The following ARFGEF1 variants were observed in gnomAD, a reference collection of about 807,000 sequenced individuals.
ARFGEF1 encodes the protein brefeldin A-inhibited guanine nucleotide-exchange protein 1.
ARFGEF1 carries 42 observed loss-of-function variants against 231.0 expected under a neutral mutation model. The observed-to-expected ratio is 0.18, with a 90% CI of 0.14 to 0.24. The LOEUF is 0.24. Ranked by LOEUF, ARFGEF1 falls within the 10% of genes least tolerant of loss-of-function variation. The probability of loss-of-function intolerance (pLI) is 1.00; values close to 1 mark genes in which losing one functional copy is unlikely to be tolerated. For synonymous variants in ARFGEF1, 710 were observed against 732.3 expected (o/e 0.97, Z 0.49); for missense variants, 1,345 against 2,192.0 (o/e 0.61, Z 7.72).
chr8:67,186,473 C>A, intron 5 of ARFGEF1, among the ~76,000 whole-genome samples: 1 of 150,758 alleles, frequency 6.6e-6, no homozygotes, highest in Non-Finnish European at 1.5e-5. Context: ...GCCCACAAAT[C>A]TGATAACCTA....
intron 1 of ARFGEF1, among the ~76,000 whole-genome samples, chr8:67,306,073 CTTTCACCT>C (rs1256989901): frequency 6.6e-6 from 1 of 152,152 alleles, no homozygotes; most frequent in African/African-American, 2.4e-5. Context: ...AAGTTGAGAA[CTTTCACCT>C]TTTCACCTAA....
intron 19 of ARFGEF1, among the ~76,000 whole-genome samples, chr8:67,249,203 C>T (rs1241899419): frequency 6.7e-6 from 1 of 150,200 alleles, no homozygotes; most frequent in Non-Finnish European, 1.5e-5. Context: ...CATTTTTTGA[C>T]TTTACAATAT....
chr8:67,278,926 T>C lies in ARFGEF1; in HGVS notation c.1028-1469A>G, dbSNP rs138618464. Among the ~76,000 whole-genome samples the C allele has an allele frequency of 9.7e-4, 147 of 152,182 alleles. 2 individuals carry two copies. The East Asian group carries it at 0.016, about 16-fold the overall frequency. On this transcript the variant is annotated intron_variant, in intron 7 of 38. Coordinates refer to ENST00000262215, the MANE Select transcript of ARFGEF1 (RefSeq NM_006421.5). ...TTTTGGAGCTTCAATATGCTAATGT[T>C]TGATGTGCTAAATACCACTATAGCT... is the stretch of plus-strand genomic sequence containing the variant.
intron 14 of ARFGEF1, among the ~76,000 whole-genome samples, chr8:67,264,305 A>G (rs2128892708): frequency 6.6e-6 from 1 of 152,240 alleles, no homozygotes; most frequent in African/African-American, 2.4e-5. Flanking sequence ...AAAAGAGTAC[A>G]GATTGCAGGG....
chr8:67,205,714 C>G (rs1189240528), intron 34 of ARFGEF1, among the ~76,000 whole-genome samples: 3 of 151,864 alleles, frequency 2.0e-5, no homozygotes, highest in African/African-American at 7.3e-5. Flanking sequence ...AAAAATGTGC[C>G]AGGCATGGTT....
intron 5 of ARFGEF1, among the ~76,000 whole-genome samples, chr8:67,186,442 G>C (rs1361957064): frequency 7.0e-6 from 1 of 143,652 alleles, no homozygotes; most frequent in African/African-American, 2.6e-5. Context: ...AAAAGTCCAA[G>C]AATACCATGA....
chr8:67,211,369 G>T (rs1388031067), intron 34 of ARFGEF1, 114 bp downstream of exon 34: 135 of 442,358 alleles, frequency 3.1e-4, no homozygotes, highest in Non-Finnish European at 3.9e-4. Context: ...AAAAAAAGAA[G>T]TGATGACACA....
chr8:67,253,150 A>C lies in ARFGEF1; in HGVS notation c.2698+301T>G, dbSNP rs147595259. ...AAATACAATCATATCACCAAACTCT[A>C]TTATAATATTTCTCATCAAAACATG... On this transcript the variant is annotated intron_variant, in intron 18 of 38. Coordinates refer to ENST00000262215, the MANE Select transcript of ARFGEF1 (RefSeq NM_006421.5). Among the ~76,000 whole-genome samples the C allele has an allele frequency of 2.2e-4, 33 of 152,340 alleles. No individual in the cohort carries two copies. In the East Asian group the frequency reaches 4.6e-3, roughly 21 times the overall value.
At chr8:67,222,034 C>T (rs1165175012) in intron 29 of ARFGEF1, among the ~76,000 whole-genome samples, 2 of 150,414 alleles carry the variant, frequency 1.3e-5, no homozygotes, top group Admixed American at 6.6e-5. Context: ...AGGATGGTCT[C>T]GATCTCCTTT....
At position 67,219,029 on chromosome 8, in the gene ARFGEF1, C is replaced by T. The variant is rs141777905; in HGVS notation, c.4338+402G>A. Among the ~76,000 whole-genome samples, 407 of 152,220 alleles carry T rather than the reference C, an allele frequency of 2.7e-3. 6 individuals are homozygous for T. The highest frequency in any genetic ancestry group is 9.1e-3 in the African/African-American group (378 of 41,538). The stretch of plus-strand genomic sequence containing the variant: ...TCGCCCAGGCTGCAGTGCAGTGGCG[C>T]GATCTCAGCTCACAGCAACCTCCAC... On this transcript the variant is annotated intron_variant, in intron 30 of 38. Transcript: ENST00000262215.
At chr8:67,235,898 G>T (rs1034413110) in intron 22 of ARFGEF1, among the ~76,000 whole-genome samples, 3 of 152,012 alleles carry the variant, frequency 2.0e-5, no homozygotes. Context: ...TCCAAAAAGT[G>T]AAAGTACAGA....
intron 19 of ARFGEF1, among the ~76,000 whole-genome samples, chr8:67,242,178 G>C (rs1839951456): frequency 1.3e-5 from 2 of 152,204 alleles, no homozygotes; most frequent in Non-Finnish European, 2.9e-5. Flanking sequence ...GCCTAGCTGT[G>C]CTGGGCTTGG....
intron 7 of ARFGEF1, among the ~76,000 whole-genome samples, chr8:67,278,784 A>G (rs1805415409): frequency 6.6e-6 from 1 of 152,068 alleles, no homozygotes; most frequent in African/African-American, 2.4e-5. Flanking sequence ...AGGTCAAAAA[A>G]ACTGGATAAT....
intron 1 of ARFGEF1, among the ~76,000 whole-genome samples, chr8:67,332,501 ACTT>A (rs1254259170): frequency 6.6e-6 from 1 of 152,212 alleles, no homozygotes; most frequent in Non-Finnish European, 1.5e-5. Flanking sequence ...AATTTGCCTG[ACTT>A]CTTAAGCAGA....
chr8:67,342,308 A>G (rs556039608), intron 1 of ARFGEF1, among the ~76,000 whole-genome samples: 1 of 152,130 alleles, frequency 6.6e-6, no homozygotes, highest in Admixed American at 6.5e-5. Flanking sequence ...GGTAGGAGGT[A>G]TTGTTTGGAT....
chr8:67,177,123 A>C (rs1831884291), intron 5 of ARFGEF1, among the ~76,000 whole-genome samples: 1 of 152,022 alleles, frequency 6.6e-6, no homozygotes, highest in Non-Finnish European at 1.5e-5. Flanking sequence ...ACAATCACAA[A>C]CATGTCTATT....
intron 10 of ARFGEF1, 128 bp downstream of exon 10, chr8:67,271,574 A>G (rs1401202719): frequency 1.4e-6 from 1 of 724,862 alleles, no homozygotes; most frequent in African/African-American, 1.8e-5. Flanking sequence ...TGAATGAAAA[A>G]AAATAAGTGC....
intron 9 of ARFGEF1, among the ~76,000 whole-genome samples, chr8:67,273,044 T>G (rs971427258): frequency 1.3e-5 from 2 of 151,874 alleles, no homozygotes; most frequent in African/African-American, 4.8e-5. Flanking sequence ...GAGGTGGAGG[T>G]TGCAGTGAGC....
chr8:67,273,743 CA>C (rs1017492579), intron 9 of ARFGEF1, among the ~76,000 whole-genome samples: 4 of 151,324 alleles, frequency 2.6e-5, no homozygotes, highest in Admixed American at 1.3e-4. Flanking sequence ...AGATAATTAC[CA>C]AAAAAAATGC....
Sources: gnomAD v4.1 joint callset for allele counts (sites outside exome capture counted in the v4.1 genomes callset) on GRCh38, gnomAD v4.1.1 for gene constraint, MANE v1.5 for transcripts, NCBI Gene and HGNC (gene_info 2026-07-23, HGNC 2026-07-21) for gene names.